The following SCG5 variants were observed in gnomAD, a reference collection of about 807,000 sequenced individuals.
SCG5 encodes secretogranin V.
In SCG5, 18 loss-of-function variants were observed where a neutral mutation model predicts 25.7. The observed-to-expected ratio is 0.70, with a 90% CI of 0.48 to 1.04. The LOEUF (loss-of-function observed/expected upper bound fraction) is 1.04. Among genes scored for constraint, SCG5 ranks in the 50% least tolerant of loss-of-function variants. The pLI is 0.00. For missense variants in SCG5, 206 were observed against 259.8 expected, an observed-to-expected ratio of 0.79 and a Z score of 1.42; for synonymous variants, 101 against 91.7, an observed-to-expected ratio of 1.10 and a Z score of -0.58.
chr15:32,672,913 C>CAAAAAA (rs55928870), intron 2 of SCG5: 1 of 87,814 alleles, frequency 1.1e-5, no homozygotes, highest in Non-Finnish European at 2.6e-5. Context: ...CATAACATCA[C>CAAAAAA]AAAAAAAAAA....
chr15:32,650,352 C>T (rs974452835), intron 2 of SCG5, among the ~76,000 whole-genome samples: 4 of 152,326 alleles, frequency 2.6e-5, no homozygotes, highest in African/African-American at 9.6e-5. Flanking sequence ...CCGCCCATCT[C>T]GGCCTCCCAA....
chr15:32,643,493 G>C, intron 1 of SCG5, 93 bp from the exon 2 acceptor site: 1 of 1,063,362 alleles, frequency 9.4e-7, no homozygotes, highest in Non-Finnish European at 1.4e-6. Flanking sequence ...GGTGGTCCTC[G>C]AACCACAACC....
At chr15:32,690,939 C>T (rs2140607970) in intron 4 of SCG5, among the ~76,000 whole-genome samples, 1 of 150,210 alleles carries the variant, frequency 6.7e-6, no homozygotes. Flanking sequence ...CCCACCGCCA[C>T]CAAATCCCCT....
At chr15:32,678,057 C>A (rs979502563) in intron 2 of SCG5, among the ~76,000 whole-genome samples, 1 of 152,096 alleles carries the variant, frequency 6.6e-6, no homozygotes, top group African/African-American at 2.4e-5. Flanking sequence ...GTTTGACATA[C>A]ACTGAAATAA....
At chr15:32,645,700 T>C (rs551068794) in intron 2 of SCG5, among the ~76,000 whole-genome samples, 1 of 152,228 alleles carries the variant, frequency 6.6e-6, no homozygotes, top group African/African-American at 2.4e-5. Flanking sequence ...AACTATTATG[T>C]ACCCACAAAA....
At chr15:32,661,843 C>T (rs1459718614) in intron 2 of SCG5, among the ~76,000 whole-genome samples, 2 of 151,896 alleles carry the variant, frequency 1.3e-5, no homozygotes, top group Non-Finnish European at 2.9e-5. Context: ...TGGATCATTT[C>T]GAAAATAAAA....
chr15:32,673,740 T>C (rs1438474489), intron 2 of SCG5, among the ~76,000 whole-genome samples: 1 of 152,112 alleles, frequency 6.6e-6, no homozygotes, highest in African/African-American at 2.4e-5. Context: ...GGTTTGTTTG[T>C]TTGTTTGTTT....
intron 5 of SCG5, among the ~76,000 whole-genome samples, chr15:32,695,306 C>T (rs114124241): frequency 0.048 from 7,294 of 152,086 alleles, 236 homozygotes; most frequent in Non-Finnish European, 0.071. Context: ...TGAGCCACCG[C>T]GCCTGGCTAC....
At chr15:32,643,954 A>G in intron 2 of SCG5, 136 bp downstream of exon 2, 1 of 702,614 alleles carries the variant, frequency 1.4e-6, no homozygotes, top group Non-Finnish European at 2.3e-6. Flanking sequence ...AATTTTTAAG[A>G]GACTCTACTT....
At chr15:32,686,166 T>C (rs963115978) in intron 4 of SCG5, among the ~76,000 whole-genome samples, 3 of 152,238 alleles carry the variant, frequency 2.0e-5, no homozygotes, top group Non-Finnish European at 4.4e-5. Context: ...AACAGTTCTG[T>C]TTGGAAGAAT....
intron 3 of SCG5, among the ~76,000 whole-genome samples, chr15:32,684,171 G>A (rs1056266724): frequency 3.3e-5 from 5 of 152,132 alleles, no homozygotes; most frequent in Non-Finnish European, 7.3e-5. Context: ...TGGTATGAGA[G>A]GTTTTTATGC....
intron 2 of SCG5, chr15:32,666,615 T>C (rs1197571487): frequency 6.6e-6 from 1 of 152,252 alleles, no homozygotes; most frequent in African/African-American, 2.4e-5. Context: ...AGAGGTAAGA[T>C]AACTTGTTCA....
At chr15:32,670,080 GATA>G (rs1463126821) in intron 2 of SCG5, among the ~76,000 whole-genome samples, 3 of 152,358 alleles carry the variant, frequency 2.0e-5, no homozygotes, top group African/African-American at 7.2e-5. Context: ...AGTAGATGAT[GATA>G]ATGTTGGCTT....
At chr15:32,656,154 T>C (rs2054113318) in intron 2 of SCG5, 1 of 152,258 alleles carries the variant, frequency 6.6e-6, no homozygotes, top group African/African-American at 2.4e-5. Flanking sequence ...TCCTCTTTCC[T>C]TCAGTCTGAG....
chr15:32,667,508 C>T (rs1045802337), intron 2 of SCG5, among the ~76,000 whole-genome samples: 3 of 152,362 alleles, frequency 2.0e-5, no homozygotes, highest in African/African-American at 7.2e-5. Context: ...TTGCCGGAGG[C>T]ACCTCCTTTG....
intron 2 of SCG5, among the ~76,000 whole-genome samples, chr15:32,648,771 C>CTT (rs67887619): frequency 1.3e-3 from 149 of 111,516 alleles, no homozygotes; most frequent in Middle Eastern, 8.8e-3. Flanking sequence ...TTGCAGTCTC[C>CTT]TTTTTTTTTT....
intron 3 of SCG5, among the ~76,000 whole-genome samples, chr15:32,680,845 A>C (rs1393029174): frequency 6.6e-6 from 1 of 152,166 alleles, no homozygotes; most frequent in African/African-American, 2.4e-5. Context: ...AGTGGGCTTC[A>C]CTTACATCCG....
At chr15:32,681,549 A>G (rs2054621799) in intron 3 of SCG5, among the ~76,000 whole-genome samples, 1 of 147,674 alleles carries the variant, frequency 6.8e-6, no homozygotes, top group Middle Eastern at 3.6e-3. Context: ...TGGCACAATT[A>G]TAGTAATTCT....
rs150985909 is a variant in SCG5, at chr15:32,658,000, T to C, written c.226+14182T>C. On this transcript the variant is annotated intron_variant, in intron 2 of 5. Coordinates refer to ENST00000300175, the MANE Select transcript of SCG5 (RefSeq NM_001144757.3). ...CTTTTCCCCTTACTTCCCACTCCCT[T>C]ACAGCATGTTCCATTGGTACTTGAG... 1.7e-3 allele frequency among the ~76,000 whole-genome samples: 258 copies of C among 152,238 alleles called. 5 individuals are homozygous for C. The East Asian group carries it at 0.017, about 10-fold the overall frequency.
Sources: allele counts gnomAD v4.1 joint callset (sites outside exome capture counted in the v4.1 genomes callset), GRCh38; gene constraint gnomAD v4.1.1; transcripts MANE v1.5; gene names NCBI Gene and HGNC (gene_info 2026-07-23, HGNC 2026-07-21).